GAP43: variants seen among roughly 807,000 people sequenced by gnomAD.
The protein encoded by GAP43 is growth associated protein 43.
GAP43 carries 6 observed loss-of-function variants against 18.6 expected under a neutral mutation model. The observed-to-expected ratio is 0.32, with a 90% CI of 0.18 to 0.64. The LOEUF (loss-of-function observed/expected upper bound fraction) is 0.64, where lower values mean the gene tolerates loss of function less well. Among genes scored for constraint, GAP43 ranks in the 30% least tolerant of loss-of-function variants. GAP43 has a pLI of 0.78. For synonymous variants in GAP43, 115 were observed against 111.4 expected (o/e 1.03, Z -0.20); for missense variants, 292 against 295.5 (o/e 0.99, Z 0.09).
chr3:115,640,297 G>A (rs1338167996), intron 1 of GAP43, among the ~76,000 whole-genome samples: 2 of 152,034 alleles, frequency 1.3e-5, no homozygotes, highest in Non-Finnish European at 2.9e-5. Context: ...AGATGCATGA[G>A]TAGTTTGGGT....
intron 1 of GAP43, among the ~76,000 whole-genome samples, chr3:115,633,212 GAGAC>G (rs1288872526): frequency 6.6e-6 from 1 of 152,016 alleles, no homozygotes; most frequent in Non-Finnish European, 1.5e-5. Context: ...AGATAAGAGA[GAGAC>G]AGACAAAGGG....
At chr3:115,646,715 C>G (rs909861494) in intron 1 of GAP43, among the ~76,000 whole-genome samples, 1 of 151,982 alleles carries the variant, frequency 6.6e-6, no homozygotes, top group East Asian at 1.9e-4. Context: ...ATTGTCATTT[C>G]TTATGGAGAA....
In GAP43 at chr3:115,644,109, A is replaced by C. The variant is rs961040344; in HGVS notation, c.30+20390A>C. ...CGGATTTCCCAAGAGTGATGAAAGA[A>C]GAATTTGGTCCTGCTCACCACTACA... On this transcript the variant is annotated intron_variant, in intron 1 of 2. Transcript: ENST00000305124. This position sits in a 1 kb window ranked among gnomAD's most constrained non-coding sequence, Gnocchi z 4.2. Among the ~76,000 whole-genome samples, 1 of 152,068 alleles carries C rather than the reference A, an allele frequency of 6.6e-6. No homozygotes were observed. Among genetic ancestry groups the C allele is most frequent in the Non-Finnish European group, 1.5e-5 (1 of 67,980 alleles).
intron 1 of GAP43, among the ~76,000 whole-genome samples, chr3:115,656,623 G>A (rs953675456): frequency 3.9e-5 from 6 of 152,150 alleles, no homozygotes; most frequent in African/African-American, 9.7e-5. Flanking sequence ...TGTAATAATA[G>A]AAATGTTATC....
intron 1 of GAP43, chr3:115,658,905 G>C (rs909323852): frequency 1.3e-5 from 2 of 152,472 alleles, no homozygotes; most frequent in African/African-American, 4.8e-5. Flanking sequence ...CTCGCCTTCA[G>C]CTCCCACCCG....
chr3:115,633,349 G>A (rs558398160), intron 1 of GAP43, among the ~76,000 whole-genome samples: 18 of 152,130 alleles, frequency 1.2e-4, no homozygotes, highest in African/African-American at 4.1e-4. Context: ...AAAAGGGCTG[G>A]GTGACATAGG....
At chr3:115,666,549 G>C (rs1371690267) in intron 1 of GAP43, among the ~76,000 whole-genome samples, 1 of 152,116 alleles carries the variant, frequency 6.6e-6, no homozygotes, top group African/African-American at 2.4e-5. Context: ...CCCTTTCTGA[G>C]TATGTACAAA....
intron 2 of GAP43, 44 bp downstream of exon 2, chr3:115,676,654 G>A: frequency 6.7e-7 from 1 of 1,497,538 alleles, no homozygotes; most frequent in Non-Finnish European, 8.9e-7. Context: ...GATGGGGAAG[G>A]GAGTTGCTAT....
At chr3:115,689,465 A>AT (rs1311180240) in intron 2 of GAP43, among the ~76,000 whole-genome samples, 1 of 152,148 alleles carries the variant, frequency 6.6e-6, no homozygotes, top group Non-Finnish European at 1.5e-5. Flanking sequence ...GAACCATTTA[A>AT]TTTTTTAAAT....
At chr3:115,626,400 G>C (rs1708188798) in intron 1 of GAP43, among the ~76,000 whole-genome samples, 1 of 152,072 alleles carries the variant, frequency 6.6e-6, no homozygotes. Context: ...ATTGCCAGTG[G>C]GTGAGAAGAA....
intron 1 of GAP43, among the ~76,000 whole-genome samples, chr3:115,657,035 G>C (rs73140349): frequency 0.15 from 22,491 of 152,206 alleles, 2,076 homozygotes; most frequent in South Asian, 0.26. Flanking sequence ...ACAGTACTGA[G>C]AATGAAAATT....
chr3:115,646,147 A>C (rs1174377964), intron 1 of GAP43, among the ~76,000 whole-genome samples: 1 of 152,136 alleles, frequency 6.6e-6, no homozygotes, highest in Non-Finnish European at 1.5e-5. Flanking sequence ...AGGATCCAGA[A>C]ACTCAGTGCC....
intron 1 of GAP43, among the ~76,000 whole-genome samples, chr3:115,664,280 TTTA>T (rs768251299): frequency 6.7e-6 from 1 of 149,936 alleles, no homozygotes; most frequent in Non-Finnish European, 1.5e-5. Flanking sequence ...GTGGGAGGCA[TTTA>T]TTATTTTTTT....
At chr3:115,662,808 AAG>A (rs887285179) in intron 1 of GAP43, among the ~76,000 whole-genome samples, 21 of 152,180 alleles carry the variant, frequency 1.4e-4, no homozygotes, top group African/African-American at 4.8e-4. Context: ...TGTATATGTC[AAG>A]TAGAAAGTTA....
chr3:115,694,061 G>A (rs1419481962), intron 2 of GAP43, among the ~76,000 whole-genome samples: 1 of 152,270 alleles, frequency 6.6e-6, no homozygotes, highest in South Asian at 2.1e-4. Context: ...GAGGAGATGG[G>A]AAGAGGAGAT....
intron 2 of GAP43, among the ~76,000 whole-genome samples, chr3:115,700,203 A>G (rs932200002): frequency 1.3e-5 from 2 of 152,150 alleles, no homozygotes; most frequent in South Asian, 4.1e-4. Context: ...ATCAGGACAA[A>G]ACAAGACCAC....
intron 1 of GAP43, among the ~76,000 whole-genome samples, chr3:115,641,510 TCACACACACACACACACACA>T (rs376412583): frequency 1.9e-5 from 2 of 106,958 alleles, no homozygotes; most frequent in African/African-American, 7.2e-5. Context: ...ATATATATAT[TCACACACACACACACACACA>T]CACACACACA....
intron 1 of GAP43, among the ~76,000 whole-genome samples, chr3:115,649,412 A>G (rs1708496781): frequency 6.6e-6 from 1 of 152,166 alleles, no homozygotes; most frequent in Non-Finnish European, 1.5e-5. Flanking sequence ...TGTCGAATGG[A>G]GAAAGAGAAA....
chr3:115,624,454 A>G (rs936618663), intron 1 of GAP43, among the ~76,000 whole-genome samples: 2 of 151,992 alleles, frequency 1.3e-5, no homozygotes, highest in Non-Finnish European at 2.9e-5. Context: ...CTCCGATGGG[A>G]TGGGAAAGAC....
Sources: allele counts gnomAD v4.1 joint callset (sites outside exome capture counted in the v4.1 genomes callset), GRCh38; gene constraint gnomAD v4.1.1; non-coding constraint Gnocchi (gnomAD v3.1); transcripts MANE v1.5; gene names NCBI Gene and HGNC (gene_info 2026-07-23, HGNC 2026-07-21).